The following NR3C2 variants were observed in gnomAD, a reference collection of about 807,000 sequenced individuals.
The protein encoded by NR3C2 is nuclear receptor subfamily 3 group C member 2.
In NR3C2, 15 loss-of-function variants were observed where a neutral mutation model predicts 86.4. The ratio of observed to expected loss-of-function variants is 0.17; its 90% CI spans 0.12 to 0.27. The LOEUF (loss-of-function observed/expected upper bound fraction) is 0.27, where lower values mean the gene tolerates loss of function less well. Among genes scored for constraint, NR3C2 ranks in the 10% least tolerant of loss-of-function variants. The pLI is 1.00. For missense variants in NR3C2, 960 were observed against 1,195.6 expected (o/e 0.80, Z 2.91); for synonymous variants, 458 against 450.5 (o/e 1.02, Z -0.21).
intron 6 of NR3C2, among the ~76,000 whole-genome samples, chr4:148,149,953 A>C (rs1419536989): frequency 6.6e-6 from 1 of 152,208 alleles, no homozygotes; most frequent in East Asian, 1.9e-4. Flanking sequence ...GCTGCTGGGA[A>C]TGTAAAATGG....
chr4:148,295,933 A>G (rs1742027172), intron 2 of NR3C2, among the ~76,000 whole-genome samples: 1 of 151,538 alleles, frequency 6.6e-6, no homozygotes, highest in Admixed American at 6.6e-5. Flanking sequence ...ATTTTTTATT[A>G]CAGAGTCAAC....
intron 2 of NR3C2, among the ~76,000 whole-genome samples, chr4:148,409,803 A>G (rs963556010): frequency 2.0e-5 from 3 of 152,116 alleles, no homozygotes; most frequent in Non-Finnish European, 2.9e-5. Flanking sequence ...AAAGTAGGTA[A>G]TTTACTAACT....
intron 3 of NR3C2, among the ~76,000 whole-genome samples, chr4:148,199,797 C>T (rs923689822): frequency 1.3e-5 from 2 of 152,074 alleles, no homozygotes; most frequent in East Asian, 1.9e-4. Context: ...TTATATTCTA[C>T]GGGTTAGGAG....
chr4:148,086,987 T>C (rs965023376), intron 8 of NR3C2, among the ~76,000 whole-genome samples: 3 of 152,198 alleles, frequency 2.0e-5, no homozygotes, highest in African/African-American at 7.2e-5. Context: ...AGTCAAATTG[T>C]CTCTGTTTGC....
intron 2 of NR3C2, among the ~76,000 whole-genome samples, chr4:148,311,527 T>C (rs566671790): frequency 5.8e-4 from 88 of 152,208 alleles, no homozygotes; most frequent in African/African-American, 2.1e-3. Flanking sequence ...CCTCAATCAC[T>C]ACCACAATGC....
chr4:148,190,434 GC>G (rs1291939730), intron 4 of NR3C2, among the ~76,000 whole-genome samples: 1 of 152,112 alleles, frequency 6.6e-6, no homozygotes, highest in Admixed American at 6.5e-5. Context: ...ATTTATTGAG[GC>G]TTGTTTTACG....
chr4:148,096,654 T>C (rs1245957110), intron 8 of NR3C2, among the ~76,000 whole-genome samples: 4 of 152,170 alleles, frequency 2.6e-5, no homozygotes, highest in Admixed American at 6.5e-5. Flanking sequence ...TGCTTTTAAG[T>C]TTTTTCCATG....
At chr4:148,238,851 G>A (rs1481594906) in intron 3 of NR3C2, among the ~76,000 whole-genome samples, 2 of 152,158 alleles carry the variant, frequency 1.3e-5, no homozygotes, top group Non-Finnish European at 2.9e-5. Context: ...GCAAATTCAG[G>A]TGCCACAGGA....
chr4:148,401,556 T>C (rs1285937171), intron 2 of NR3C2, among the ~76,000 whole-genome samples: 1 of 148,276 alleles, frequency 6.7e-6, no homozygotes, highest in East Asian at 2.1e-4. Context: ...CTCTGCCTCC[T>C]GGGTTCACGC....
chr4:148,426,553 C>T (rs944247842), intron 2 of NR3C2, among the ~76,000 whole-genome samples: 2 of 152,210 alleles, frequency 1.3e-5, no homozygotes, highest in African/African-American at 4.8e-5. Context: ...CTACCTGATT[C>T]TTCCCTTTGG....
intron 2 of NR3C2, among the ~76,000 whole-genome samples, chr4:148,295,817 T>C (rs1478186212): frequency 6.6e-6 from 1 of 151,924 alleles, no homozygotes; most frequent in Non-Finnish European, 1.5e-5. Flanking sequence ...GTGCAATCAC[T>C]GAATCATGAA....
At chr4:148,312,924 T>A in intron 2 of NR3C2, among the ~76,000 whole-genome samples, 1 of 152,210 alleles carries the variant, frequency 6.6e-6, no homozygotes, top group East Asian at 1.9e-4. Context: ...CTTTTTACTT[T>A]GAGAATGATT....
chr4:148,412,074 G>A (rs1182476002), intron 2 of NR3C2, among the ~76,000 whole-genome samples: 1 of 152,124 alleles, frequency 6.6e-6, no homozygotes, highest in Non-Finnish European at 1.5e-5. Context: ...TCTCAAAAGT[G>A]TAAGTTTCCT....
At chr4:148,393,381 T>C (rs576641837) in intron 2 of NR3C2, among the ~76,000 whole-genome samples, 12 of 152,268 alleles carry the variant, frequency 7.9e-5, no homozygotes, top group Admixed American at 2.0e-4. Context: ...TGCCAGCAAA[T>C]AGAACTCCAG....
chr4:148,365,634 C>A (rs571880583), intron 2 of NR3C2, among the ~76,000 whole-genome samples: 1 of 152,104 alleles, frequency 6.6e-6, no homozygotes, highest in Non-Finnish European at 1.5e-5. Context: ...ATAAGAAGAT[C>A]CAGCTGTAAT....
At chr4:148,444,286 T>A, upstream of NR3C2, 1 of 985,436 alleles carries the variant, frequency 1.0e-6, no homozygotes, top group Non-Finnish European at 1.2e-6. Context: ...GGATCTCAGC[T>A]TCTTGCAAAA....
At chr4:148,401,679 G>A (rs1748175398) in intron 2 of NR3C2, among the ~76,000 whole-genome samples, 1 of 151,994 alleles carries the variant, frequency 6.6e-6, no homozygotes, top group African/African-American at 2.4e-5. Context: ...AGCCAGGATG[G>A]TCTCGATCTC....
At chr4:148,134,641 C>CTTTTTATT (rs1379133428) in intron 6 of NR3C2, among the ~76,000 whole-genome samples, 1 of 60,998 alleles carries the variant, frequency 1.6e-5, no homozygotes, top group African/African-American at 6.1e-5. Context: ...CTCTCTCTCT[C>CTTTTTATT]TCTTTTTTTT....
chr4:148,183,284 G>A (rs988420660), intron 4 of NR3C2, among the ~76,000 whole-genome samples: 2 of 152,206 alleles, frequency 1.3e-5, no homozygotes, highest in African/African-American at 4.8e-5. Flanking sequence ...ATAAACATAT[G>A]TGTGCATGCG....
Sources: gnomAD v4.1 joint callset for allele counts (sites outside exome capture counted in the v4.1 genomes callset) on GRCh38, gnomAD v4.1.1 for gene constraint, MANE v1.5 for transcripts, NCBI Gene and HGNC (gene_info 2026-07-23, HGNC 2026-07-21) for gene names.